OCA2: variants seen among roughly 807,000 people sequenced by gnomAD.
OCA2 encodes the protein P protein.
A neutral mutation model predicts 100.2 loss-of-function variants in OCA2; 77 were observed. The observed-to-expected ratio is 0.77, with a 90% CI of 0.64 to 0.93. The LOEUF is 0.93. Among genes scored for constraint, OCA2 ranks in the 40% least tolerant of loss-of-function variants. OCA2 has a pLI of 0.00. For synonymous variants in OCA2, 432 were observed against 439.2 expected (o/e 0.98, Z 0.21); for missense variants, 1,062 against 1,089.1 (o/e 0.98, Z 0.35).
chr15:27,940,200 A>G (rs1018778647), intron 18 of OCA2, among the ~76,000 whole-genome samples: 2 of 152,256 alleles, frequency 1.3e-5, no homozygotes, highest in Admixed American at 6.5e-5. Context: ...GTAATATTCT[A>G]AAGTACCAGA....
Position 28,043,922 on chromosome 15 carries a change from A to G in OCA2, c.228-11759T>C, listed in dbSNP as rs902860007. 6.6e-6 allele frequency among the ~76,000 whole-genome samples: 1 copy of G among 152,246 alleles called. No individual in the cohort carries two copies. The highest frequency in any genetic ancestry group is 2.4e-5 in the African/African-American group (1 of 41,470). On this transcript the variant is annotated intron_variant, in intron 2 of 23. Coordinates refer to ENST00000354638, the MANE Select transcript of OCA2 (RefSeq NM_000275.3). This position sits in a 1 kb window ranked among gnomAD's most constrained non-coding sequence, Gnocchi z 4.4. Reference sequence around the variant, plus strand: ...GTGCAGGCCATGAGTTAAAAGCTGTATCTTTTCCTAATAGCCATACTTTCA... The same window carrying G: ...GTGCAGGCCATGAGTTAAAAGCTGTGTCTTTTCCTAATAGCCATACTTTCA...
chr15:27,809,830 T>C (rs1595447849), intron 23 of OCA2, among the ~76,000 whole-genome samples: 2 of 152,176 alleles, frequency 1.3e-5, no homozygotes, highest in Non-Finnish European at 2.9e-5. Context: ...AAGACCTCTA[T>C]AAGGAAAACT....
Position 27,985,044 on chromosome 15 carries a change from G to A in OCA2, c.1364+20C>T, listed in dbSNP as rs201312161. 1.6e-5 allele frequency: 26 copies of A among 1,613,436 alleles called. No homozygotes were observed. The highest frequency in any genetic ancestry group is 1.0e-4 in the Admixed American group (6 of 59,964). On this transcript the variant is annotated intron_variant, in intron 13 of 23. Transcript: ENST00000354638. ...GCCAGAACCTGGCCGCAACTCCCACGGCAGAGGTGCTTTGCGTACCTTATG... is the reference window on the plus strand; with the variant it reads ...GCCAGAACCTGGCCGCAACTCCCACAGCAGAGGTGCTTTGCGTACCTTATG...
intron 19 of OCA2, 79 bp downstream of exon 19, chr15:27,926,048 G>A: frequency 6.7e-7 from 1 of 1,491,114 alleles, no homozygotes; most frequent in Non-Finnish European, 9.3e-7. Flanking sequence ...ATAGATGTAG[G>A]CTTTCTTCAT....
At chr15:27,725,953 G>A in the OCA2 span, among the ~76,000 whole-genome samples, 1 of 151,922 alleles carries the variant, frequency 6.6e-6, no homozygotes, top group Admixed American at 6.6e-5. Flanking sequence ...CTCTAGAGCT[G>A]GCGTCTGCAA....
chr15:27,835,567 C>T lies in OCA2; in HGVS notation c.2432+9392G>A, dbSNP rs562033560. The stretch of plus-strand genomic sequence containing the variant: ...AAGATGGTAGAGTTAGGCGTGAAAT[C>T]GTCACTGTTGCTTTAAGTCCCTGCA... On this transcript the variant is annotated intron_variant, in intron 23 of 23. Transcript: ENST00000354638. Among the ~76,000 whole-genome samples the T allele has an allele frequency of 5.0e-4, 76 of 152,326 alleles. 1 individual carries two copies. Among genetic ancestry groups the T allele is most frequent in the African/African-American group, 1.7e-3 (70 of 41,584 alleles).
rs1221010302 is a variant in OCA2 at position 27,985,012 on chromosome 15, C to T, written c.1364+52G>A. The T allele has an allele frequency of 3.1e-6, 5 of 1,607,274 alleles. No homozygotes were observed. The Admixed American group carries it at 5.0e-5, about 16-fold the overall frequency. ...GGAGCCAGGCAGTGCAGGCAGAGCC[C>T]CTGCCTGCCAGAACCTGGCCGCAAC... is the stretch of plus-strand genomic sequence containing the variant. On this transcript the variant is annotated intron_variant, in intron 13 of 23. Coordinates refer to ENST00000354638, the MANE Select transcript of OCA2 (RefSeq NM_000275.3).
At chr15:27,761,763 T>C (rs1440651898) in intron 23 of OCA2, among the ~76,000 whole-genome samples, 1 of 152,200 alleles carries the variant, frequency 6.6e-6, no homozygotes, top group African/African-American at 2.4e-5. Context: ...CGGATGCAGA[T>C]ATAGACACAT....
At chr15:27,862,245 G>A (rs996281910) in intron 21 of OCA2, among the ~76,000 whole-genome samples, 2 of 149,708 alleles carry the variant, frequency 1.3e-5, no homozygotes, top group Admixed American at 6.6e-5. Context: ...CGTCAGCCTC[G>A]AGTCCTCACG....
rs545936458 is a variant in OCA2 at position 27,908,631 on chromosome 15, CCACGTGAGT to C, written c.2079+17487_2079+17495del. ...TAAGGGGAAAAGACGAATGTGGAGT[CCACGTGAGT>C]ACAGATCCATGTGAGGCTTCCTTCT... is the stretch of plus-strand genomic sequence containing the variant. On this transcript the variant is annotated intron_variant, in intron 19 of 23. Coordinates refer to ENST00000354638, the MANE Select transcript of OCA2 (RefSeq NM_000275.3). Among the ~76,000 whole-genome samples the C allele has an allele frequency of 3.4e-4, 51 of 152,198 alleles. 4 individuals are homozygous for C. In the South Asian group the frequency reaches 0.01, roughly 31 times the overall value.
Position 28,085,929 on chromosome 15 carries a change from C to T in OCA2, c.-21-4034G>A, listed in dbSNP as rs144526873. Among the ~76,000 whole-genome samples, 854 of 152,316 alleles carry T rather than the reference C, an allele frequency of 5.6e-3. 5 individuals carry two copies. The highest frequency in any genetic ancestry group is 0.02 in the African/African-American group (812 of 41,552). ...AGAAAGCTTTTAGACAATATCTGTT[C>T]TACTGCAGCCTAATACTGCAGACCC... On this transcript the variant is annotated intron_variant, in intron 1 of 23. Transcript: ENST00000354638.
intron 17 of OCA2, among the ~76,000 whole-genome samples, chr15:27,954,090 C>T (rs1489077460): frequency 6.7e-6 from 1 of 150,262 alleles, no homozygotes; most frequent in Non-Finnish European, 1.5e-5. Context: ...TCATTCCTTT[C>T]TATGGCTGAG....
At chr15:28,019,122 TCA>T (rs913285036) in intron 6 of OCA2, among the ~76,000 whole-genome samples, 10 of 151,968 alleles carry the variant, frequency 6.6e-5, no homozygotes, top group Non-Finnish European at 1.2e-4. Flanking sequence ...CCTCTGAATC[TCA>T]CAGTCTCCTC....
intron 23 of OCA2, among the ~76,000 whole-genome samples, chr15:27,782,909 C>T: frequency 6.6e-6 from 1 of 152,226 alleles, no homozygotes; most frequent in Non-Finnish European, 1.5e-5. Flanking sequence ...AACAGCTTCA[C>T]TAACATAATG....
At chr15:27,743,706 G>C in the OCA2 span, among the ~76,000 whole-genome samples, 1 of 152,120 alleles carries the variant, frequency 6.6e-6, no homozygotes, top group Non-Finnish European at 1.5e-5. Context: ...AGTGGGTTTC[G>C]ATCAAATATC....
intron 21 of OCA2, among the ~76,000 whole-genome samples, chr15:27,866,827 A>G (rs1024659739): frequency 2.0e-5 from 3 of 152,234 alleles, no homozygotes; most frequent in Non-Finnish European, 4.4e-5. Context: ...GAAGCCAGAA[A>G]CACACTTTTG....
chr15:27,869,023 G>A (rs576569628), intron 21 of OCA2, among the ~76,000 whole-genome samples: 3 of 152,318 alleles, frequency 2.0e-5, no homozygotes, highest in East Asian at 3.9e-4. Flanking sequence ...TCCCACCCAA[G>A]GATTGTGACC....
intron 23 of OCA2, among the ~76,000 whole-genome samples, chr15:27,808,346 C>T (rs1462802196): frequency 6.6e-6 from 1 of 152,334 alleles, no homozygotes; most frequent in Admixed American, 6.5e-5. Flanking sequence ...ATGTCGCAAC[C>T]TCCTTCCCTT....
intron 23 of OCA2, among the ~76,000 whole-genome samples, chr15:27,764,593 A>G: frequency 6.6e-6 from 1 of 152,124 alleles, no homozygotes; most frequent in East Asian, 1.9e-4. Flanking sequence ...CCGCCCATGC[A>G]TTTGCTTGCT....
Sources: allele counts gnomAD v4.1 joint callset (sites outside exome capture counted in the v4.1 genomes callset), GRCh38; gene constraint gnomAD v4.1.1; non-coding constraint Gnocchi (gnomAD v3.1); transcripts MANE v1.5; gene names NCBI Gene and HGNC (gene_info 2026-07-23, HGNC 2026-07-21).